Variants in NFU1 observed in about 807,000 individuals in gnomAD.
NFU1 encodes the protein NFU1 iron-sulfur cluster scaffold homolog, mitochondrial.
NFU1 carries 30 observed loss-of-function variants against 32.2 expected under a neutral mutation model. The ratio of observed to expected loss-of-function variants is 0.93; its 90% CI spans 0.70 to 1.26. NFU1 has a LOEUF of 1.26. Among genes scored for constraint, NFU1 ranks in the 50% most tolerant of loss-of-function variants. The pLI, the probability that NFU1 is intolerant of heterozygous loss-of-function variation, is 0.00. For missense variants in NFU1, 306 were observed against 306.6 expected (o/e 1.00, Z 0.02); for synonymous variants, 112 against 104.6 (o/e 1.07, Z -0.43).
upstream of NFU1, among the ~76,000 whole-genome samples, chr2:69,439,483 C>T (rs1265739080): frequency 6.6e-6 from 1 of 152,130 alleles, no homozygotes; most frequent in Non-Finnish European, 1.5e-5. Flanking sequence ...AGCACGGGCC[C>T]AAAGAGTGAG....
rs1211680474 is a variant in NFU1, at chr2:69,415,215, C to T, written c.454G>A (p.Val152Ile). 4.3e-6 allele frequency: 7 copies of T among 1,611,208 alleles called. No individual in the cohort carries two copies. The highest frequency in any genetic ancestry group is 5.9e-6 in the Non-Finnish European group (7 of 1,177,472). ...MDFFASGLPL[V>I]TEETPSGEAG... ...TCTCCTGAAGGTGTTTCCTCAGTAACCAGGGGTAAGCCAGATGCAAAGAAG... is the reference window on the plus strand; with the variant it reads ...TCTCCTGAAGGTGTTTCCTCAGTAATCAGGGGTAAGCCAGATGCAAAGAAG... The change falls in exon 5 of 8, where the codon GTT (valine) becomes ATT (isoleucine). Residue 152 changes from valine (V) to isoleucine (I), a missense_variant. Physicochemically the swap from Val to Ile is conservative, Grantham distance 29. Transcript: ENST00000410022.
chr2:69,435,185 A>C (rs567079296), intron 1 of NFU1, among the ~76,000 whole-genome samples: 19 of 152,332 alleles, frequency 1.2e-4, no homozygotes, highest in African/African-American at 4.3e-4. Flanking sequence ...ATTTTGGGAA[A>C]GGGCTATTAT....
chr2:69,397,295 G>A (rs1672371050), intron 7 of NFU1, among the ~76,000 whole-genome samples: 1 of 152,040 alleles, frequency 6.6e-6, no homozygotes, highest in South Asian at 2.1e-4. Context: ...AATTATTTTA[G>A]TCTTACTGAG....
chr2:69,439,117 T>C (rs992642791), upstream of NFU1, among the ~76,000 whole-genome samples: 1 of 152,078 alleles, frequency 6.6e-6, no homozygotes, highest in Non-Finnish European at 1.5e-5. Context: ...CAGAACCAAG[T>C]GGCTTAAAAA....
intron 3 of NFU1, 66 bp from the exon 4 acceptor site, chr2:69,419,670 A>G: frequency 1.1e-6 from 1 of 883,540 alleles, no homozygotes; most frequent in South Asian, 1.5e-5. Context: ...AACATACACA[A>G]AAGTAGAGAA....
intron 1 of NFU1, 142 bp downstream of exon 1, chr2:69,437,219 C>A (rs1673873633): frequency 6.8e-7 from 1 of 1,468,170 alleles, no homozygotes; most frequent in East Asian, 2.5e-5. Context: ...GGGCTCACCC[C>A]CAACTACGGC....
rs545306229 is a variant in NFU1 at position 69,404,564 on chromosome 2, C to T, written c.545+1458G>A. Among the ~76,000 whole-genome samples, 7 of 145,546 alleles carry T rather than the reference C, an allele frequency of 4.8e-5. No individual in the cohort carries two copies. The South Asian group carries it at 1.5e-3, about 32-fold the overall frequency. ...ACATATACTAACATATACATTACCT[C>T]GCATACTTATTTTTTGTGTCAAGAA... On this transcript the variant is annotated intron_variant, in intron 6 of 7. Transcript: ENST00000410022.
In NFU1 at chr2:69,437,006, G is replaced by A. The variant is rs1310171580; in HGVS notation, c.62+355C>T. 4.6e-5 allele frequency among the ~76,000 whole-genome samples: 7 copies of A among 152,232 alleles called. No individual in the cohort carries two copies. In the East Asian group the frequency reaches 1.3e-3, roughly 29 times the overall value. On this transcript the variant is annotated intron_variant, in intron 1 of 7. Coordinates refer to ENST00000410022, the MANE Select transcript of NFU1 (RefSeq NM_001002755.4). ...TTCTGATTCTGCGTTTAGAAGAGGA[G>A]GGAATGCACCCGGTAGAGGGCCTGG...
chr2:69,421,451 G>C (rs968005661), intron 3 of NFU1, among the ~76,000 whole-genome samples: 2 of 151,452 alleles, frequency 1.3e-5, no homozygotes, highest in Non-Finnish European at 2.9e-5. Flanking sequence ...TTGAGGCTTC[G>C]GTTCCCCAAA....
At chr2:69,397,361 G>A (rs1394962879) in intron 7 of NFU1, among the ~76,000 whole-genome samples, 1 of 152,072 alleles carries the variant, frequency 6.6e-6, no homozygotes, top group Non-Finnish European at 1.5e-5. Flanking sequence ...ATCTTTCCAT[G>A]AGTTAATGTA....
upstream of NFU1, chr2:69,437,616 G>A (rs1309651384): frequency 2.9e-6 from 2 of 700,110 alleles, no homozygotes; most frequent in Non-Finnish European, 5.1e-6. Flanking sequence ...AGAGAGGCCG[G>A]GGAACCTTTC....
At chr2:69,421,897 C>A (rs549801835) in intron 3 of NFU1, among the ~76,000 whole-genome samples, 2 of 152,034 alleles carry the variant, frequency 1.3e-5, no homozygotes, top group Admixed American at 1.3e-4. Flanking sequence ...AGTAGTCCCC[C>A]CTTATCCTCA....
intron 3 of NFU1, among the ~76,000 whole-genome samples, chr2:69,421,808 C>T (rs1490185469): frequency 2.6e-5 from 4 of 151,802 alleles, no homozygotes; most frequent in Admixed American, 6.6e-5. Flanking sequence ...ATGATCCGCC[C>T]GCCTCGGCCT....
intron 3 of NFU1, among the ~76,000 whole-genome samples, chr2:69,421,787 G>C (rs184582500): frequency 6.6e-6 from 1 of 151,444 alleles, no homozygotes; most frequent in African/African-American, 2.4e-5. Context: ...GGATGCTCTC[G>C]ATCTCCTGAC....
At chr2:69,400,747 A>G (rs932135478) in intron 6 of NFU1, among the ~76,000 whole-genome samples, 3 of 151,954 alleles carry the variant, frequency 2.0e-5, no homozygotes, top group Non-Finnish European at 2.9e-5. Flanking sequence ...AAATTCACTC[A>G]TACAAATATT....
chr2:69,423,735 G>T lies in NFU1; in HGVS notation c.167-18C>A. On this transcript the variant is annotated intron_variant, in intron 2 of 7. Coordinates refer to ENST00000410022, the MANE Select transcript of NFU1 (RefSeq NM_001002755.4). ...GTATCTCACTAAAAAAGAAAAAGAA[G>T]AAAATGTTATTCTAGAAAAAACAGT... 6.4e-7 allele frequency: 1 copy of T among 1,556,136 alleles called. No homozygotes were observed. Among genetic ancestry groups the T allele is most frequent in the Non-Finnish European group, 8.9e-7 (1 of 1,129,372 alleles).
intron 3 of NFU1, 103 bp downstream of exon 3, chr2:69,423,479 G>T: frequency 1.0e-6 from 1 of 1,004,630 alleles, no homozygotes; most frequent in Non-Finnish European, 1.5e-6. Flanking sequence ...AAAAAAAAAT[G>T]CAGTGCACAT....
chr2:69,438,891 T>G, upstream of NFU1, among the ~76,000 whole-genome samples: 1 of 26,808 alleles, frequency 3.7e-5, no homozygotes, highest in Non-Finnish European at 6.6e-5. Flanking sequence ...TCTTCCCCCA[T>G]CCAACCCCCC....
Position 69,410,668 on chromosome 2 carries a change from T to C in NFU1, c.484+4517A>G, listed in dbSNP as rs1036142422. The C allele has an allele frequency of 2.0e-5, 3 of 152,156 alleles. No homozygotes were observed. The South Asian group carries it at 6.2e-4, about 32-fold the overall frequency. The allele number at this position is 152,156 out of a possible 1,614,324, so 9.4% of individuals were successfully genotyped here. A position where few individuals can be genotyped will look rare whatever the true frequency, so the allele number is the denominator to read the frequency against. On this transcript the variant is annotated intron_variant, in intron 5 of 7. Transcript: ENST00000410022. ...GTAATCAGTATGTCTAAGTGCTTAC[T>C]AAACAAAAGAAGAACGCTTTATGAT...
Sources: gnomAD v4.1 joint callset for allele counts (sites outside exome capture counted in the v4.1 genomes callset) on GRCh38, gnomAD v4.1.1 for gene constraint, MANE v1.5 for transcripts, NCBI Gene and HGNC (gene_info 2026-07-23, HGNC 2026-07-21) for gene names.